RBM47: variants seen among roughly 807,000 people sequenced by gnomAD.
RBM47 encodes RNA-binding protein 47.
RBM47 carries 21 observed loss-of-function variants against 47.1 expected under a neutral mutation model. That is an observed-to-expected ratio of 0.45 (90% CI 0.32 to 0.64). The LOEUF is 0.64. Among genes scored for constraint, RBM47 ranks in the 30% least tolerant of loss-of-function variants. The probability of loss-of-function intolerance (pLI) is 0.05; values close to 1 mark genes in which losing one functional copy is unlikely to be tolerated. For missense variants in RBM47, 708 were observed against 870.9 expected, an observed-to-expected ratio of 0.81 and a Z score of 2.35; for synonymous variants, 375 against 361.7, an observed-to-expected ratio of 1.04 and a Z score of -0.42.
At chr4:40,453,561 A>T (rs1715773695) in intron 3 of RBM47, among the ~76,000 whole-genome samples, 2 of 152,254 alleles carry the variant, frequency 1.3e-5, no homozygotes, top group Admixed American at 6.5e-5. Flanking sequence ...TAAATAATTG[A>T]TTAAGATGAT....
intron 3 of RBM47, among the ~76,000 whole-genome samples, chr4:40,443,886 CA>C (rs1178087031): frequency 6.6e-6 from 1 of 151,762 alleles, no homozygotes; most frequent in Non-Finnish European, 1.5e-5. Context: ...ATTCAGATGC[CA>C]AACACTTAGA....
At chr4:40,535,042 T>C (rs898962332) in intron 2 of RBM47, among the ~76,000 whole-genome samples, 1 of 152,140 alleles carries the variant, frequency 6.6e-6, no homozygotes, top group Non-Finnish European at 1.5e-5. Context: ...CCCTGTTGTC[T>C]TTTAAGTCTG....
At chr4:40,462,342 G>T (rs550705879) in intron 3 of RBM47, among the ~76,000 whole-genome samples, 2 of 152,238 alleles carry the variant, frequency 1.3e-5, no homozygotes, top group African/African-American at 4.8e-5. Flanking sequence ...AGCATGAAAA[G>T]AAATTTGTTT....
intron 2 of RBM47, among the ~76,000 whole-genome samples, chr4:40,487,157 G>T (rs956148296): frequency 6.6e-6 from 1 of 152,110 alleles, no homozygotes; most frequent in African/African-American, 2.4e-5. Context: ...AGACTCAGTG[G>T]AGCCTTCATG....
At chr4:40,480,121 G>T (rs1720179422) in intron 2 of RBM47, among the ~76,000 whole-genome samples, 1 of 151,836 alleles carries the variant, frequency 6.6e-6, no homozygotes, top group South Asian at 2.1e-4. Context: ...GGGATTACAG[G>T]TGTCCGCCAC....
At chr4:40,544,056 A>G (rs931505680) in intron 2 of RBM47, 7 of 152,218 alleles carry the variant, frequency 4.6e-5, no homozygotes, top group African/African-American at 1.7e-4. Flanking sequence ...GACATGTTAA[A>G]TTGTATGTGT....
At chr4:40,452,969 G>A (rs1033548907) in intron 3 of RBM47, among the ~76,000 whole-genome samples, 1 of 149,180 alleles carries the variant, frequency 6.7e-6, no homozygotes, top group Non-Finnish European at 1.5e-5. Flanking sequence ...TCAGCCTCCC[G>A]AGTAGCTGGA....
At chr4:40,435,924 C>T (rs1300824631) in intron 5 of RBM47, among the ~76,000 whole-genome samples, 3 of 149,052 alleles carry the variant, frequency 2.0e-5, no homozygotes, top group African/African-American at 5.0e-5. Flanking sequence ...TTTGGGAGGC[C>T]GAGACGGGTG....
At chr4:40,443,516 G>C (rs552531053) in intron 3 of RBM47, among the ~76,000 whole-genome samples, 2 of 151,730 alleles carry the variant, frequency 1.3e-5, no homozygotes, top group Non-Finnish European at 2.9e-5. Flanking sequence ...TTGGGAGTTC[G>C]AGACCAGCCT....
At chr4:40,471,124 G>A (rs1284387803) in intron 2 of RBM47, among the ~76,000 whole-genome samples, 1 of 152,146 alleles carries the variant, frequency 6.6e-6, no homozygotes, top group African/African-American at 2.4e-5. Flanking sequence ...GAGACCACCA[G>A]GTTGAGAGTC....
chr4:40,560,441 A>T (rs1469740324), intron 1 of RBM47, among the ~76,000 whole-genome samples: 2 of 86,460 alleles, frequency 2.3e-5, no homozygotes, highest in Non-Finnish European at 4.3e-5. Flanking sequence ...GGTGCATTTA[A>T]AAAAAAAATC....
At chr4:40,622,293 G>A (rs1302669105) in intron 1 of RBM47, among the ~76,000 whole-genome samples, 4 of 152,204 alleles carry the variant, frequency 2.6e-5, no homozygotes, top group Non-Finnish European at 5.9e-5. Flanking sequence ...TAACCTGGAG[G>A]AGGCAGAGCA....
rs60216175 is a variant in RBM47, at chr4:40,427,736, G to A, written c.1543-1593C>T. On this transcript the variant is annotated intron_variant, in intron 6 of 6. Coordinates refer to ENST00000295971, the MANE Select transcript of RBM47 (RefSeq NM_001098634.2). ...TTCCTGGATTTTTATAAAGGAATTAGCTCTAATTTCTGTTACAAAATTTGC... is the reference window on the plus strand; with the variant it reads ...TTCCTGGATTTTTATAAAGGAATTAACTCTAATTTCTGTTACAAAATTTGC... Among the ~76,000 whole-genome samples, 1,389 of 152,160 alleles carry A rather than the reference G, an allele frequency of 9.1e-3. 22 individuals carry two copies. The highest frequency in any genetic ancestry group is 0.032 in the African/African-American group (1,327 of 41,514).
At chr4:40,522,788 C>A (rs188108062) in intron 2 of RBM47, among the ~76,000 whole-genome samples, 64 of 152,076 alleles carry the variant, frequency 4.2e-4, no homozygotes, top group South Asian at 4.0e-3. Context: ...TTCTCTTTAT[C>A]TACTTTTTTT....
intron 1 of RBM47, among the ~76,000 whole-genome samples, chr4:40,625,293 C>T (rs914462439): frequency 1.3e-5 from 2 of 152,184 alleles, no homozygotes; most frequent in African/African-American, 4.8e-5. Flanking sequence ...AGAAACAACA[C>T]CTGAAAAAAC....
intron 1 of RBM47, among the ~76,000 whole-genome samples, chr4:40,547,799 C>T (rs1729171058): frequency 6.6e-6 from 1 of 152,206 alleles, no homozygotes; most frequent in South Asian, 2.1e-4. Context: ...CTTGATGATG[C>T]CCTTCAGGTT....
intron 2 of RBM47, among the ~76,000 whole-genome samples, chr4:40,522,171 C>G (rs548242521): frequency 6.6e-6 from 1 of 152,212 alleles, no homozygotes; most frequent in Non-Finnish European, 1.5e-5. Flanking sequence ...TGAAAATTTC[C>G]TTTTTATGGT....
intron 1 of RBM47, among the ~76,000 whole-genome samples, chr4:40,624,579 T>A (rs988219042): frequency 6.6e-6 from 1 of 152,210 alleles, no homozygotes. Flanking sequence ...GAGAAATAGA[T>A]CATAGGTATT....
intron 2 of RBM47, among the ~76,000 whole-genome samples, chr4:40,476,063 T>C (rs1719565083): frequency 6.6e-6 from 1 of 152,092 alleles, no homozygotes; most frequent in African/African-American, 2.4e-5. Flanking sequence ...ATAACGACCG[T>C]AAGGAAACAA....
Sources: allele counts gnomAD v4.1 joint callset (sites outside exome capture counted in the v4.1 genomes callset), GRCh38; gene constraint gnomAD v4.1.1; transcripts MANE v1.5; gene names NCBI Gene and HGNC (gene_info 2026-07-23, HGNC 2026-07-21).